CHD6: variants seen among roughly 807,000 people sequenced by gnomAD.
CHD6 encodes chromodomain helicase DNA binding protein 6.
Under a neutral mutation model 276.9 loss-of-function variants are expected in CHD6, and 50 were observed. The ratio of observed to expected loss-of-function variants is 0.18; its 90% CI spans 0.14 to 0.23. CHD6 has a LOEUF of 0.23. Ranked by LOEUF, CHD6 falls within the 10% of genes least tolerant of loss-of-function variation. The pLI is 1.00. For missense variants in CHD6, 2,564 were observed against 3,365.8 expected (o/e 0.76, Z 5.89); for synonymous variants, 1,173 against 1,229.3 (o/e 0.95, Z 0.96).
intron 1 of CHD6, among the ~76,000 whole-genome samples, chr20:41,615,874 T>C (rs2045930809): frequency 6.6e-6 from 1 of 152,220 alleles, no homozygotes; most frequent in South Asian, 2.1e-4. Context: ...GGCAAAGCCA[T>C]ACTTCCAAGA....
intron 34 of CHD6, chr20:41,414,874 C>A: frequency 8.1e-7 from 1 of 1,234,376 alleles, no homozygotes; most frequent in Non-Finnish European, 1.0e-6. Context: ...CACACTCAAC[C>A]CTGCCATCTT....
chr20:41,591,449 G>C (rs962305994), intron 1 of CHD6, among the ~76,000 whole-genome samples: 4 of 151,600 alleles, frequency 2.6e-5, no homozygotes, highest in African/African-American at 9.7e-5. Context: ...CCAGGAGATT[G>C]GGAGGCCAAG....
chr20:41,444,420 A>T (rs767986410), intron 25 of CHD6, among the ~76,000 whole-genome samples: 50 of 152,186 alleles, frequency 3.3e-4, no homozygotes, highest in Non-Finnish European at 6.5e-4. Context: ...ACAGTGCAGA[A>T]TTAGGGCATG....
At chr20:41,578,907 A>C (rs1321728106) in intron 1 of CHD6, among the ~76,000 whole-genome samples, 3 of 151,568 alleles carry the variant, frequency 2.0e-5, no homozygotes, top group Non-Finnish European at 2.9e-5. Context: ...AGGCAGGTGG[A>C]TCACCTGAGG....
intron 12 of CHD6, among the ~76,000 whole-genome samples, chr20:41,489,560 A>T (rs556880919): frequency 6.6e-6 from 1 of 152,358 alleles, no homozygotes; most frequent in Non-Finnish European, 1.5e-5. Context: ...TAAAAAAGGT[A>T]TATCTCAGAG....
chr20:41,615,193 C>T (rs1423641514), intron 1 of CHD6, among the ~76,000 whole-genome samples: 1 of 152,210 alleles, frequency 6.6e-6, no homozygotes, highest in East Asian at 1.9e-4. Context: ...CTTCATTTCT[C>T]TGAGCTGCAG....
At chr20:41,582,445 A>T (rs993890079) in intron 1 of CHD6, among the ~76,000 whole-genome samples, 2 of 152,200 alleles carry the variant, frequency 1.3e-5, no homozygotes, top group African/African-American at 4.8e-5. Context: ...CAAATCCTGT[A>T]ACAGGTGCTG....
intron 17 of CHD6, among the ~76,000 whole-genome samples, chr20:41,465,684 C>T (rs893253441): frequency 1.3e-5 from 2 of 152,042 alleles, no homozygotes; most frequent in East Asian, 1.9e-4. Flanking sequence ...CATTATACTA[C>T]GGTTATATAA....
chr20:41,422,102 C>G lies in CHD6; in HGVS notation c.4556-23G>C, dbSNP rs749105027. Reference sequence around the variant, plus strand: ...GACCTGGAGAGAAAGGGAAATAAAGCCTATCACTGAAGGTGACCTCAGACA... The same window carrying G: ...GACCTGGAGAGAAAGGGAAATAAAGGCTATCACTGAAGGTGACCTCAGACA... On this transcript the variant is annotated intron_variant, in intron 30 of 36. Coordinates refer to ENST00000373233, the MANE Select transcript of CHD6 (RefSeq NM_032221.5). 5.1e-6 allele frequency: 8 copies of G among 1,579,832 alleles called. No homozygotes were observed. The African/African-American group carries it at 1.1e-4, about 21-fold the overall frequency.
chr20:41,613,539 T>TA (rs2045908433), intron 1 of CHD6, among the ~76,000 whole-genome samples: 1 of 152,192 alleles, frequency 6.6e-6, no homozygotes, highest in African/African-American at 2.4e-5. Flanking sequence ...ATTTGGGGGA[T>TA]AACCCCAGGG....
intron 6 of CHD6, among the ~76,000 whole-genome samples, chr20:41,498,892 C>A (rs771496519): frequency 1.3e-5 from 2 of 151,362 alleles, no homozygotes; most frequent in African/African-American, 2.4e-5. Flanking sequence ...CCAGGTTGGT[C>A]TTGAACTACT....
At chr20:41,526,154 A>C (rs1049447563) in intron 3 of CHD6, among the ~76,000 whole-genome samples, 2 of 152,106 alleles carry the variant, frequency 1.3e-5, no homozygotes, top group African/African-American at 4.8e-5. Flanking sequence ...CTCTTAAAAA[A>C]AAAAACAAAA....
intron 2 of CHD6, among the ~76,000 whole-genome samples, chr20:41,542,655 TGCACTCCAGC>T (rs1298158827): frequency 6.6e-6 from 1 of 151,430 alleles, no homozygotes; most frequent in Non-Finnish European, 1.5e-5. Flanking sequence ...ATCGCACCAC[TGCACTCCAGC>T]CTGGGCGACA....
chr20:41,505,160 T>C (rs1424146484), intron 5 of CHD6, among the ~76,000 whole-genome samples: 5 of 152,206 alleles, frequency 3.3e-5, no homozygotes, highest in Non-Finnish European at 2.9e-5. Flanking sequence ...AGTATTTTAG[T>C]CTTCTACCCC....
chr20:41,538,280 G>A (rs373904042), intron 2 of CHD6, among the ~76,000 whole-genome samples: 2 of 152,144 alleles, frequency 1.3e-5, no homozygotes, highest in South Asian at 2.1e-4. Flanking sequence ...GAACTTGGGA[G>A]GCGGAGGTTG....
chr20:41,480,460 A>C (rs1187079475), intron 16 of CHD6, among the ~76,000 whole-genome samples: 2 of 152,240 alleles, frequency 1.3e-5, no homozygotes, highest in Non-Finnish European at 2.9e-5. Flanking sequence ...TGAAAAGTAA[A>C]CAGCACATGA....
chr20:41,468,434 T>G (rs1253508779), intron 17 of CHD6, among the ~76,000 whole-genome samples: 1 of 152,120 alleles, frequency 6.6e-6, no homozygotes, highest in South Asian at 2.1e-4. Flanking sequence ...TCTTATCCCC[T>G]TATTTTATTT....
At chr20:41,456,131 C>T in intron 18 of CHD6, 152 bp from the exon 19 acceptor site, 2 of 665,890 alleles carry the variant, frequency 3.0e-6, no homozygotes, top group African/African-American at 1.8e-5. Flanking sequence ...TAGTGAAATC[C>T]CAGATGCGAT....
intron 28 of CHD6, 138 bp from the exon 29 acceptor site, chr20:41,425,532 G>C: frequency 1.1e-6 from 1 of 881,018 alleles, no homozygotes; most frequent in Non-Finnish European, 1.7e-6. Flanking sequence ...AATTGGCCCA[G>C]GAGCAAGGCA....
Sources: allele counts gnomAD v4.1 joint callset (sites outside exome capture counted in the v4.1 genomes callset), GRCh38; gene constraint gnomAD v4.1.1; transcripts MANE v1.5; gene names NCBI Gene and HGNC (gene_info 2026-07-23, HGNC 2026-07-21).